The following KDM3A variants were observed in gnomAD, a reference collection of about 807,000 sequenced individuals.
The protein encoded by KDM3A is lysine demethylase 3A, also known as lysine-specific demethylase 3A.
Under a neutral mutation model 158.0 loss-of-function variants are expected in KDM3A, and 60 were observed. That is an observed-to-expected ratio of 0.38 (90% CI 0.31 to 0.47). KDM3A has a LOEUF of 0.47. Ranked by LOEUF, KDM3A falls within the 20% of genes least tolerant of loss-of-function variation. The pLI, the probability that KDM3A is intolerant of heterozygous loss-of-function variation, is 0.99. For synonymous variants in KDM3A, 608 were observed against 549.3 expected, an observed-to-expected ratio of 1.11 and a Z score of -1.49; for missense variants, 1,319 against 1,574.3, an observed-to-expected ratio of 0.84 and a Z score of 2.74.
At chr2:86,449,370 T>C (rs1683070225) in intron 2 of KDM3A, among the ~76,000 whole-genome samples, 1 of 152,182 alleles carries the variant, frequency 6.6e-6, no homozygotes, top group South Asian at 2.1e-4. Context: ...TGGTGGATTG[T>C]GGTGATGGGG....
At chr2:86,476,425 G>A (rs1673661741) in intron 12 of KDM3A, among the ~76,000 whole-genome samples, 2 of 151,960 alleles carry the variant, frequency 1.3e-5, no homozygotes, top group African/African-American at 4.8e-5. Context: ...ATTTAAATGG[G>A]ATTAACCTCT....
chr2:86,478,226 C>G lies in KDM3A; in HGVS notation c.2149C>G (p.Pro717Ala), dbSNP rs747143350. Residue 717 changes from proline to alanine, a missense_variant, in exon 14 of 26, where the codon CCA (proline) becomes GCA (alanine). Physicochemically the swap from Pro to Ala is conservative, Grantham distance 27 (BLOSUM62 -1). Around this residue, in one of 4 missense-constraint regions of KDM3A, gnomAD observed 368 missense variants for 415.8 expected, o/e 0.89. Coordinates refer to ENST00000312912, the MANE Select transcript of KDM3A (RefSeq NM_018433.6). ...LKCVKSQIHE[P>A]ENLMPTQIIP... Reference sequence around the variant, plus strand: ...ATGTGTGAAGAGTCAGATACATGAACCAGAGAACTTAATGCCCACACAGAT... The same window carrying G: ...ATGTGTGAAGAGTCAGATACATGAAGCAGAGAACTTAATGCCCACACAGAT... 2.0e-5 allele frequency: 33 copies of G among 1,613,848 alleles called. No homozygotes were observed. In the South Asian group the frequency reaches 3.6e-4, roughly 18 times the overall value.
chr2:86,485,391 C>G (rs1345974558), intron 20 of KDM3A, among the ~76,000 whole-genome samples: 1 of 152,194 alleles, frequency 6.6e-6, no homozygotes, highest in African/African-American at 2.4e-5. Flanking sequence ...AAGACATCTA[C>G]TGGGTAGATC....
chr2:86,452,447 G>A (rs1183425742), intron 4 of KDM3A, among the ~76,000 whole-genome samples: 1 of 151,992 alleles, frequency 6.6e-6, no homozygotes, highest in East Asian at 1.9e-4. Flanking sequence ...AGGCTTGAAG[G>A]AACCTACACC....
intron 12 of KDM3A, among the ~76,000 whole-genome samples, chr2:86,475,775 C>G (rs935964854): frequency 2.4e-4 from 37 of 152,168 alleles, no homozygotes; most frequent in African/African-American, 8.2e-4. Flanking sequence ...CTTTCTATTC[C>G]TCTGGTGTGT....
intron 10 of KDM3A, among the ~76,000 whole-genome samples, chr2:86,467,147 G>C (rs41318646): frequency 0.088 from 13,330 of 152,176 alleles, 1,295 homozygotes; most frequent in African/African-American, 0.24. Flanking sequence ...CTGTGAATTA[G>C]TGTAGGTGTC....
intron 14 of KDM3A, 101 bp downstream of exon 14, chr2:86,478,366 T>C (rs1673763249): frequency 1.1e-6 from 1 of 936,280 alleles, no homozygotes; most frequent in Non-Finnish European, 1.7e-6. Context: ...TTTATTTTAG[T>C]GTGTATTGTA....
chr2:86,441,418 C>G lies in KDM3A; in HGVS notation c.-57C>G, dbSNP rs1050778927. 5 of 152,340 alleles carry G rather than the reference C, an allele frequency of 3.3e-5. No homozygotes were observed. Among genetic ancestry groups the G allele is most frequent in the African/African-American group, 1.2e-4 (5 of 41,432 alleles). 9.4% of individuals were successfully genotyped at this position (152,340 alleles called of 1,614,324 possible). A position where few individuals can be genotyped will look rare whatever the true frequency, so the allele number is the denominator to read the frequency against. On this transcript the variant is annotated 5_prime_UTR_variant, in exon 1 of 26. Transcript: ENST00000312912. ...GGCGGCTGGAAACGGCGGCTGCCGC[C>G]GGTGACTCAGGGAGGCGGGAGGCGG... is the stretch of plus-strand genomic sequence containing the variant.
rs1673590806 is a variant in KDM3A at position 86,474,811 on chromosome 2, A to G, written c.1760A>G (p.Glu587Gly). ...QFNKHGVLRV[E>G]GFLTPNKYDN... ...AACAAACATGGTGTGTTGCGGGTAG[A>G]AGGCTTCTTAACACCAAACAAGTAT... The change falls in exon 12 of 26, where the codon GAA becomes GGA. Residue 587 changes from glutamate to glycine, a missense_variant. Glu to Gly is a moderately conservative substitution (Grantham distance 98). Around this residue, in one of 4 missense-constraint regions of KDM3A, gnomAD observed 113 missense variants for 190.5 expected, o/e 0.59. Transcript: ENST00000312912. 1 of 1,609,388 alleles carries G rather than the reference A, an allele frequency of 6.2e-7. No homozygotes were observed. The highest frequency in any genetic ancestry group is 8.5e-7 in the Non-Finnish European group (1 of 1,177,446).
rs1435903761 is a variant in KDM3A at position 86,442,007 on chromosome 2, T to TGTTTTTGC, written c.-30-10_-30-3dup. 1 of 1,561,646 alleles carries TGTTTTTGC rather than the reference T, an allele frequency of 6.4e-7. No individual in the cohort carries two copies. The highest frequency in any genetic ancestry group is 1.4e-5 in the African/African-American group (1 of 73,010). On this transcript the variant is annotated splice_polypyrimidine_tract_variant and intron_variant, in intron 1 of 25. Coordinates refer to ENST00000312912, the MANE Select transcript of KDM3A (RefSeq NM_018433.6). ...CCGCCCCCGTCGCATTTTGTTTTTG[T>TGTTTTTGC]GTTTTTGCAGGGAGGAGCTCTTCCT...
upstream of KDM3A, chr2:86,440,573 C>T (rs1055307482): frequency 1.3e-5 from 2 of 152,052 alleles, no homozygotes; most frequent in Admixed American, 6.5e-5. Flanking sequence ...CTTCTCAATC[C>T]CACTTTGGAG....
intron 2 of KDM3A, among the ~76,000 whole-genome samples, 184 bp from the exon 3 acceptor site, chr2:86,449,623 C>T (rs1459461033): frequency 2.0e-5 from 3 of 152,056 alleles, no homozygotes; most frequent in African/African-American, 4.8e-5. Flanking sequence ...GGAGCCAAAG[C>T]CTGGTTCATG....
At chr2:86,481,410 G>A (rs764752541) in intron 16 of KDM3A, among the ~76,000 whole-genome samples, 2 of 151,784 alleles carry the variant, frequency 1.3e-5, no homozygotes, top group African/African-American at 2.4e-5. Context: ...CTGCCACCAC[G>A]CCCTGCTAAC....
chr2:86,477,763 C>A, intron 12 of KDM3A, 114 bp from the exon 13 acceptor site: 3 of 1,015,160 alleles, frequency 3.0e-6, no homozygotes, highest in Admixed American at 2.5e-5. Flanking sequence ...GAAGCCTGAA[C>A]AAAGTTAATT....
rs1020725019 is a variant in KDM3A at position 86,478,413 on chromosome 2, C to G, written c.2188+148C>G. Reference sequence around the variant, plus strand: ...AATATATTAGATAATTCCTCCAACACTTTTCGAGTCAAGTTTTGTGGGATA... The same window carrying G: ...AATATATTAGATAATTCCTCCAACAGTTTTCGAGTCAAGTTTTGTGGGATA... On this transcript the variant is annotated intron_variant, in intron 14 of 25. Coordinates refer to ENST00000312912, the MANE Select transcript of KDM3A (RefSeq NM_018433.6). The G allele has an allele frequency of 1.1e-5, 9 of 843,344 alleles. No homozygotes were observed. The Admixed American group carries it at 2.5e-4, about 23-fold the overall frequency. The allele number at this position is 843,344 out of a possible 1,614,324, so 52.2% of individuals were successfully genotyped here.
chr2:86,447,677 G>A (rs980251380), intron 2 of KDM3A, among the ~76,000 whole-genome samples: 1 of 152,136 alleles, frequency 6.6e-6, no homozygotes, highest in East Asian at 1.9e-4. Context: ...AAAACATTGA[G>A]AGAACTTAGA....
chr2:86,454,934 T>C, intron 4 of KDM3A, 151 bp from the exon 5 acceptor site: 1 of 528,388 alleles, frequency 1.9e-6, no homozygotes, highest in South Asian at 3.1e-5. Flanking sequence ...AGCCATCTGG[T>C]TTACTGGAAT....
chr2:86,489,687 G>A, intron 23 of KDM3A, 28 bp downstream of exon 23: 1 of 1,587,808 alleles, frequency 6.3e-7, no homozygotes, highest in Non-Finnish European at 8.6e-7. Flanking sequence ...TGTGTGAACA[G>A]AGGCATAAGG....
At position 86,478,240 on chromosome 2, in the gene KDM3A, G is replaced by A. The variant is rs1673755659; in HGVS notation, c.2163G>A (p.Met721Ile). 2 of 1,612,896 alleles carry A rather than the reference G, an allele frequency of 1.2e-6. No homozygotes were observed. The highest frequency in any genetic ancestry group is 1.7e-6 in the Non-Finnish European group (2 of 1,178,800). ...KSQIHEPENL[M>I]PTQIIPGKAL... ...AGATACATGAACCAGAGAACTTAAT[G>A]CCCACACAGATCATTCCTGGAAAAG... The change falls in exon 14 of 26, where the codon ATG becomes ATA. Residue 721 changes from methionine (M) to isoleucine (I), a missense_variant. Met to Ile is a conservative substitution (Grantham distance 10, BLOSUM62 1). This residue lies in a region of KDM3A where 368 missense variants were observed against 415.8 expected (regional missense o/e 0.89). Transcript: ENST00000312912.
Sources: gnomAD v4.1 joint callset for allele counts (sites outside exome capture counted in the v4.1 genomes callset) on GRCh38, gnomAD v4.1.1 for gene constraint, gnomAD v4.1.1 regional missense constraint, MANE v1.5 for transcripts, NCBI Gene and HGNC (gene_info 2026-07-23, HGNC 2026-07-21) for gene names.